The following NETO1 variants were observed in gnomAD, a reference collection of about 807,000 sequenced individuals.
The protein encoded by NETO1 is neuropilin and tolloid-like protein 1.
Under a neutral mutation model 61.3 loss-of-function variants are expected in NETO1, and 26 were observed. That is an observed-to-expected ratio of 0.42 (90% CI 0.31 to 0.59). NETO1 has a LOEUF of 0.59. NETO1 is among the 20% of genes least tolerant of loss of function. NETO1 has a pLI of 0.12. For synonymous variants in NETO1, 225 were observed against 225.8 expected, an observed-to-expected ratio of 1.00 and a Z score of 0.03; for missense variants, 531 against 662.8, an observed-to-expected ratio of 0.80 and a Z score of 2.18.
chr18:72,750,662 A>C (rs1231823344), intron 8 of NETO1, 42 bp from the exon 9 acceptor site: 2 of 1,430,154 alleles, frequency 1.4e-6, no homozygotes, highest in Admixed American at 2.0e-5. Context: ...GGACAAAAGA[A>C]GAAGCAACGC....
chr18:72,837,547 C>T (rs551939422), intron 4 of NETO1, among the ~76,000 whole-genome samples: 24 of 152,234 alleles, frequency 1.6e-4, no homozygotes, highest in African/African-American at 5.1e-4. Context: ...AATTTTTAGG[C>T]TGCAATTTTT....
At chr18:72,857,461 T>G (rs1052200573) in intron 4 of NETO1, among the ~76,000 whole-genome samples, 2 of 152,238 alleles carry the variant, frequency 1.3e-5, no homozygotes, top group Non-Finnish European at 2.9e-5. Flanking sequence ...GACACTACAT[T>G]CTTTGTGAAA....
intron 4 of NETO1, among the ~76,000 whole-genome samples, chr18:72,796,164 A>G (rs1249146154): frequency 1.3e-5 from 2 of 152,212 alleles, no homozygotes; most frequent in East Asian, 3.9e-4. Context: ...GGATATTAAG[A>G]CTACGTGTGC....
intron 7 of NETO1, among the ~76,000 whole-genome samples, chr18:72,764,724 A>C (rs1326790493): frequency 6.6e-6 from 1 of 152,200 alleles, no homozygotes; most frequent in Non-Finnish European, 1.5e-5. Flanking sequence ...GGGCCTAAGC[A>C]AAATGATTAT....
intron 9 of NETO1, 135 bp from the exon 10 acceptor site, chr18:72,749,223 C>A: frequency 1.7e-6 from 1 of 595,816 alleles, no homozygotes; most frequent in Non-Finnish European, 3.0e-6. Flanking sequence ...CAAAACATAT[C>A]AAATCAACTG....
At chr18:72,782,852 C>G (rs2071791200) in intron 7 of NETO1, among the ~76,000 whole-genome samples, 1 of 152,090 alleles carries the variant, frequency 6.6e-6, no homozygotes, top group African/African-American at 2.4e-5. Flanking sequence ...GCTATTCTGA[C>G]TGGTATGAGA....
At chr18:72,816,000 G>C (rs1446188874) in intron 4 of NETO1, among the ~76,000 whole-genome samples, 1 of 151,958 alleles carries the variant, frequency 6.6e-6, no homozygotes, top group South Asian at 2.1e-4. Flanking sequence ...ATAGAGGTAA[G>C]GTACATATAG....
At chr18:72,843,484 T>C (rs141035227) in intron 4 of NETO1, among the ~76,000 whole-genome samples, 190 of 152,238 alleles carry the variant, frequency 1.2e-3, no homozygotes, top group African/African-American at 4.2e-3. Flanking sequence ...TAGAAATAAA[T>C]GAGGCCATTC....
chr18:72,824,725 CA>C (rs1386251417), intron 4 of NETO1, among the ~76,000 whole-genome samples: 2 of 142,622 alleles, frequency 1.4e-5, no homozygotes, highest in African/African-American at 5.4e-5. Context: ...AAAAAACAAA[CA>C]AAAAAAGCCA....
intron 4 of NETO1, among the ~76,000 whole-genome samples, chr18:72,833,503 G>T (rs1238870134): frequency 1.3e-5 from 2 of 152,078 alleles, no homozygotes; most frequent in African/African-American, 4.8e-5. Flanking sequence ...AACCATGCTT[G>T]CACCATAATA....
intron 4 of NETO1, among the ~76,000 whole-genome samples, chr18:72,823,563 C>T (rs185587101): frequency 6.6e-6 from 1 of 151,946 alleles, no homozygotes; most frequent in East Asian, 1.9e-4. Context: ...TGGCCGCGGC[C>T]GTGTGAGAAG....
intron 3 of NETO1, among the ~76,000 whole-genome samples, 161 bp from the exon 4 acceptor site, chr18:72,859,235 C>T (rs1451263793): frequency 6.6e-6 from 1 of 152,112 alleles, no homozygotes; most frequent in African/African-American, 2.4e-5. Context: ...CTACGGGACA[C>T]AATTTTCATA....
intron 8 of NETO1, among the ~76,000 whole-genome samples, chr18:72,755,292 T>C (rs2070748150): frequency 6.6e-6 from 1 of 152,162 alleles, no homozygotes; most frequent in Non-Finnish European, 1.5e-5. Context: ...AAACAATGAA[T>C]ACTGTGGTAT....
intron 3 of NETO1, among the ~76,000 whole-genome samples, chr18:72,861,721 T>C (rs1401938587): frequency 6.6e-6 from 1 of 152,238 alleles, no homozygotes; most frequent in African/African-American, 2.4e-5. Flanking sequence ...GTCATACCTC[T>C]AGAAATCTGA....
At chr18:72,860,371 C>G (rs974801593) in intron 3 of NETO1, among the ~76,000 whole-genome samples, 3 of 152,120 alleles carry the variant, frequency 2.0e-5, no homozygotes, top group Non-Finnish European at 4.4e-5. Flanking sequence ...TAAATATACA[C>G]GGAACATCAT....
At chr18:72,802,420 T>C (rs541182795) in intron 4 of NETO1, among the ~76,000 whole-genome samples, 1 of 152,320 alleles carries the variant, frequency 6.6e-6, no homozygotes, top group South Asian at 2.1e-4. Context: ...AAGTTTCAGC[T>C]TAGACAAGAA....
chr18:72,854,624 A>T (rs2145608802), intron 4 of NETO1, among the ~76,000 whole-genome samples: 2 of 152,354 alleles, frequency 1.3e-5, no homozygotes, highest in Non-Finnish European at 2.9e-5. Context: ...AAGTGCAAAG[A>T]AAATTTAGGC....
At chr18:72,834,122 C>T (rs2073666449) in intron 4 of NETO1, 1 of 924,352 alleles carries the variant, frequency 1.1e-6, no homozygotes. Flanking sequence ...AATCAATACT[C>T]TGGTATTTAG....
chr18:72,787,334 G>C (rs2071955892), intron 6 of NETO1, among the ~76,000 whole-genome samples: 1 of 151,620 alleles, frequency 6.6e-6, no homozygotes. Flanking sequence ...CTCCTTTGAA[G>C]TGTAATACAA....
Sources: gnomAD v4.1 joint callset for allele counts (sites outside exome capture counted in the v4.1 genomes callset) on GRCh38, gnomAD v4.1.1 for gene constraint, MANE v1.5 for transcripts, NCBI Gene and HGNC (gene_info 2026-07-23, HGNC 2026-07-21) for gene names.